The following EIF4G3 variants were observed in gnomAD, a reference collection of about 807,000 sequenced individuals.
The protein encoded by EIF4G3 is eukaryotic translation initiation factor 4 gamma 3, also known as eIF-4-gamma 3.
In EIF4G3, 34 loss-of-function variants were observed where a neutral mutation model predicts 186.4. That is an observed-to-expected ratio of 0.18 (90% CI 0.14 to 0.24). EIF4G3 has a LOEUF of 0.24. EIF4G3 is among the 10% of genes least tolerant of loss of function. The pLI, the probability that EIF4G3 is intolerant of heterozygous loss-of-function variation, is 1.00. For missense variants in EIF4G3, 1,536 were observed against 1,948.5 expected, an observed-to-expected ratio of 0.79 and a Z score of 3.99; for synonymous variants, 673 against 679.5, an observed-to-expected ratio of 0.99 and a Z score of 0.15.
intron 14 of EIF4G3, among the ~76,000 whole-genome samples, chr1:20,918,701 C>CTTTTTTTTTTT (rs35704755): frequency 2.1e-5 from 2 of 94,902 alleles, no homozygotes. Flanking sequence ...CTCCTAGTAT[C>CTTTTTTTTTTT]TTTTTTTTTT....
At chr1:20,820,751 T>A (rs6671144) in intron 33 of EIF4G3, among the ~76,000 whole-genome samples, 143,638 of 152,198 alleles carry the variant, frequency 0.94, 68,321 homozygotes, top group Middle Eastern at 1. Context: ...GAGAGACGAT[T>A]GGAGGACCAG....
At chr1:21,079,912 G>C (rs1467130373) in intron 3 of EIF4G3, among the ~76,000 whole-genome samples, 2 of 151,648 alleles carry the variant, frequency 1.3e-5, no homozygotes, top group Admixed American at 6.6e-5. Flanking sequence ...AGCACTTTGG[G>C]AGGCCGAGGC....
In EIF4G3 at chr1:20,895,480, G is replaced by T. The variant is rs767011921; in HGVS notation, c.2021C>A (p.Thr674Asn). ...FKPESWKPTD[T>N]EGKKQYDREF... ...CCTGTCATACTGCTTCTTACCTTCA[G>T]TATCAGTAGGCTTCCAGGATTCTAG... Residue 674 changes from threonine to asparagine, a missense_variant, in exon 17 of 37, where the codon ACT (threonine) becomes AAT (asparagine). Around this residue, in one of 11 missense-constraint regions of EIF4G3, gnomAD observed 560 missense variants for 547.8 expected, o/e 1.02. Coordinates refer to ENST00000602326, the MANE Select transcript of EIF4G3 (RefSeq NM_001391906.1). 5 of 1,613,960 alleles carry T rather than the reference G, an allele frequency of 3.1e-6. No individual in the cohort carries two copies. The highest frequency in any genetic ancestry group is 3.4e-6 in the Non-Finnish European group (4 of 1,179,900).
intron 3 of EIF4G3, chr1:21,073,576 T>G: frequency 2.2e-6 from 1 of 458,994 alleles, no homozygotes; most frequent in Non-Finnish European, 4.4e-6. Context: ...TGGCATCTTC[T>G]CACAGGAACT....
At chr1:21,096,798 T>C (rs2096384227) in intron 2 of EIF4G3, among the ~76,000 whole-genome samples, 1 of 152,212 alleles carries the variant, frequency 6.6e-6, no homozygotes, top group African/African-American at 2.4e-5. Flanking sequence ...TGAAAGTTTT[T>C]ATGGGTATAA....
chr1:20,814,364 T>G (rs1013372577), intron 34 of EIF4G3, among the ~76,000 whole-genome samples: 6 of 152,220 alleles, frequency 3.9e-5, no homozygotes, highest in Non-Finnish European at 8.8e-5. Context: ...AATATTTGAA[T>G]TAGCAGTATT....
chr1:20,990,776 C>CTG (rs1445558731), intron 7 of EIF4G3, among the ~76,000 whole-genome samples: 2 of 152,202 alleles, frequency 1.3e-5, no homozygotes, highest in Non-Finnish European at 2.9e-5. Flanking sequence ...CATATATACA[C>CTG]TGGGAAACCA....
At chr1:20,906,639 T>C (rs1299044174) in intron 14 of EIF4G3, among the ~76,000 whole-genome samples, 1 of 152,034 alleles carries the variant, frequency 6.6e-6, no homozygotes, top group Non-Finnish European at 1.5e-5. Flanking sequence ...TTCAGTAATA[T>C]AACATATTTA....
At chr1:20,866,292 G>A (rs770555807) in intron 20 of EIF4G3, among the ~76,000 whole-genome samples, 5 of 152,230 alleles carry the variant, frequency 3.3e-5, no homozygotes, top group Non-Finnish European at 7.4e-5. Context: ...GAGAACTGAC[G>A]ATGATGATGC....
chr1:20,852,101 C>T (rs541943556), intron 27 of EIF4G3, among the ~76,000 whole-genome samples: 2 of 152,270 alleles, frequency 1.3e-5, no homozygotes, highest in African/African-American at 4.8e-5. Context: ...GGCTGGAGTG[C>T]AATGGCGTAA....
intron 14 of EIF4G3, among the ~76,000 whole-genome samples, chr1:20,909,011 G>T (rs983605529): frequency 6.6e-6 from 1 of 152,054 alleles, no homozygotes; most frequent in African/African-American, 2.4e-5. Flanking sequence ...AATTAGCCAG[G>T]CATGGTGGCA....
chr1:21,141,599 G>C (rs1425790088), intron 2 of EIF4G3, among the ~76,000 whole-genome samples: 2 of 151,966 alleles, frequency 1.3e-5, no homozygotes, highest in African/African-American at 4.8e-5. Context: ...CCCTGTAGGA[G>C]AGAAATGGTG....
chr1:20,913,861 C>G (rs2093560282), intron 14 of EIF4G3, among the ~76,000 whole-genome samples: 1 of 132,888 alleles, frequency 7.5e-6, no homozygotes, highest in Non-Finnish European at 1.5e-5. Context: ...GCCTGGAGTG[C>G]AGTGGTGCGA....
intron 22 of EIF4G3, among the ~76,000 whole-genome samples, chr1:20,863,100 T>G (rs553308114): frequency 4.6e-5 from 7 of 152,262 alleles, no homozygotes; most frequent in African/African-American, 1.7e-4. Context: ...TATGGTAGAA[T>G]TTTTAGTTGT....
chr1:21,141,474 C>G (rs755598275), intron 2 of EIF4G3, among the ~76,000 whole-genome samples: 16 of 139,322 alleles, frequency 1.1e-4, no homozygotes, highest in Non-Finnish European at 1.8e-4. Context: ...TTTTTTCCTA[C>G]CAAGAGAAAA....
intron 2 of EIF4G3, among the ~76,000 whole-genome samples, chr1:21,166,050 A>T (rs931633734): frequency 8.8e-6 from 1 of 113,564 alleles, no homozygotes; most frequent in African/African-American, 3.0e-5. Context: ...GTTCATATTG[A>T]TCACCCACTC....
At chr1:21,032,641 A>G (rs1485434650) in intron 4 of EIF4G3, among the ~76,000 whole-genome samples, 1 of 152,196 alleles carries the variant, frequency 6.6e-6, no homozygotes, top group East Asian at 1.9e-4. Context: ...CCATTATTTC[A>G]GGTTATGTTC....
intron 2 of EIF4G3, among the ~76,000 whole-genome samples, chr1:21,135,971 C>T (rs2097234966): frequency 6.6e-6 from 1 of 151,470 alleles, no homozygotes; most frequent in Admixed American, 6.6e-5. Context: ...ATCATGAGGT[C>T]AGGAGATCGA....
intron 30 of EIF4G3, among the ~76,000 whole-genome samples, chr1:20,830,579 G>T (rs2064871847): frequency 6.6e-6 from 1 of 152,148 alleles, no homozygotes; most frequent in African/African-American, 2.4e-5. Context: ...CATGCTCTGT[G>T]GGCTAGCAGC....
Sources: gnomAD v4.1 joint callset for allele counts (sites outside exome capture counted in the v4.1 genomes callset) on GRCh38, gnomAD v4.1.1 for gene constraint, gnomAD v4.1.1 regional missense constraint, MANE v1.5 for transcripts, NCBI Gene and HGNC (gene_info 2026-07-23, HGNC 2026-07-21) for gene names.